The following TAFA2 variants were observed in gnomAD, a reference collection of about 807,000 sequenced individuals.
TAFA2 encodes the protein chemokine-like protein TAFA-2.
TAFA2 carries 7 observed loss-of-function variants against 18.8 expected under a neutral mutation model. The ratio of observed to expected loss-of-function variants is 0.37; its 90% CI spans 0.21 to 0.70. The LOEUF (loss-of-function observed/expected upper bound fraction) is 0.70. TAFA2 is among the 30% of genes least tolerant of loss of function. The pLI is 0.53. For missense variants in TAFA2, 122 were observed against 158.1 expected (o/e 0.77, Z 1.23); for synonymous variants, 60 against 54.2 (o/e 1.11, Z -0.47).
chr12:61,865,319 C>T (rs944520720), intron 2 of TAFA2, among the ~76,000 whole-genome samples: 8 of 151,894 alleles, frequency 5.3e-5, no homozygotes, highest in Admixed American at 2.0e-4. Context: ...TATGAACATG[C>T]GCTACAACTT....
At position 61,747,646 on chromosome 12, in the gene TAFA2, A is replaced by G. The variant is rs1868788035; in HGVS notation, c.384+5976T>C. 2.0e-5 allele frequency among the ~76,000 whole-genome samples: 3 copies of G among 149,812 alleles called. No individual in the cohort carries two copies. In the South Asian group the frequency reaches 6.4e-4, roughly 32 times the overall value. On this transcript the variant is annotated intron_variant, in intron 4 of 4. Transcript: ENST00000416284. Reference sequence around the variant, plus strand: ...AACCAAACACCGCATATTCTCACTCATAGGTGGGAATTGAACAATGAGATC... The same window carrying G: ...AACCAAACACCGCATATTCTCACTCGTAGGTGGGAATTGAACAATGAGATC...
At chr12:61,839,068 C>T (rs1043797077) in intron 2 of TAFA2, among the ~76,000 whole-genome samples, 18 of 152,038 alleles carry the variant, frequency 1.2e-4, no homozygotes, top group African/African-American at 3.9e-4. Context: ...CTCAGACTTG[C>T]TTTCTCAGAT....
chr12:61,857,968 C>T (rs1164810094), intron 2 of TAFA2, among the ~76,000 whole-genome samples: 3 of 152,212 alleles, frequency 2.0e-5, no homozygotes, highest in South Asian at 4.1e-4. Flanking sequence ...AGGTAGGGTA[C>T]TATGGATGCC....
chr12:61,999,580 T>A (rs1020539979), intron 1 of TAFA2, among the ~76,000 whole-genome samples: 1 of 152,186 alleles, frequency 6.6e-6, no homozygotes, highest in Non-Finnish European at 1.5e-5. Flanking sequence ...TCCATGCTAA[T>A]CAACAGAGTT....
At chr12:62,084,144 G>C (rs984607800) in intron 1 of TAFA2, among the ~76,000 whole-genome samples, 1 of 152,120 alleles carries the variant, frequency 6.6e-6, no homozygotes, top group Non-Finnish European at 1.5e-5. Flanking sequence ...TGGCAACAGC[G>C]CTACATTTTT....
intron 1 of TAFA2, among the ~76,000 whole-genome samples, chr12:61,883,002 G>T (rs1875215036): frequency 6.6e-6 from 1 of 152,094 alleles, no homozygotes; most frequent in Non-Finnish European, 1.5e-5. Context: ...ATCCTCCAAG[G>T]AAACTACAAC....
intron 1 of TAFA2, among the ~76,000 whole-genome samples, chr12:62,022,856 G>T (rs1316786959): frequency 6.6e-6 from 1 of 152,198 alleles, no homozygotes; most frequent in African/African-American, 2.4e-5. Flanking sequence ...GTGTATACCA[G>T]CAAGTAGTTC....
intron 1 of TAFA2, among the ~76,000 whole-genome samples, chr12:61,976,726 T>C (rs373561261): frequency 2.0e-5 from 3 of 152,046 alleles, no homozygotes; most frequent in East Asian, 1.9e-4. Context: ...CCCTACCCTC[T>C]GTCCAAGTGT....
intron 2 of TAFA2, among the ~76,000 whole-genome samples, chr12:61,812,214 C>A (rs569905940): frequency 6.6e-6 from 1 of 151,542 alleles, no homozygotes; most frequent in South Asian, 2.1e-4. Flanking sequence ...AACTTAAACT[C>A]CCTCTGAAGG....
chr12:62,185,823 G>A (rs1357783876), intron 1 of TAFA2, among the ~76,000 whole-genome samples: 1 of 152,102 alleles, frequency 6.6e-6, no homozygotes, highest in Non-Finnish European at 1.5e-5. Flanking sequence ...GTCCTGGAAG[G>A]CCTGCCCTCT....
At chr12:61,863,251 T>C (rs1874201911) in intron 2 of TAFA2, among the ~76,000 whole-genome samples, 1 of 151,946 alleles carries the variant, frequency 6.6e-6, no homozygotes, top group Non-Finnish European at 1.5e-5. Context: ...GTTGATGGGG[T>C]AAATGTAAAG....
chr12:61,908,207 A>C (rs951077215), intron 1 of TAFA2, among the ~76,000 whole-genome samples: 4 of 152,092 alleles, frequency 2.6e-5, no homozygotes, highest in African/African-American at 9.7e-5. Flanking sequence ...TCCCCACCCA[A>C]ATCTCATCTT....
intron 1 of TAFA2, among the ~76,000 whole-genome samples, chr12:62,171,857 C>T (rs1241011956): frequency 6.6e-6 from 1 of 152,180 alleles, no homozygotes; most frequent in Non-Finnish European, 1.5e-5. Context: ...CTTTAAAGAA[C>T]TTGTTTCCTT....
At chr12:62,033,477 A>G (rs1311328584) in intron 1 of TAFA2, among the ~76,000 whole-genome samples, 1 of 151,914 alleles carries the variant, frequency 6.6e-6, no homozygotes, top group Non-Finnish European at 1.5e-5. Context: ...CCCTAGACAA[A>G]GATTTTCTTT....
At chr12:62,077,803 T>C (rs1487415964) in intron 1 of TAFA2, among the ~76,000 whole-genome samples, 1 of 152,164 alleles carries the variant, frequency 6.6e-6, no homozygotes, top group East Asian at 1.9e-4. Flanking sequence ...GGCACCAATA[T>C]GTTAATTACC....
intron 1 of TAFA2, among the ~76,000 whole-genome samples, chr12:61,964,708 G>T (rs1182717766): frequency 6.6e-6 from 1 of 151,618 alleles, no homozygotes; most frequent in African/African-American, 2.4e-5. Context: ...CTGACTATAG[G>T]GCACAGTGTG....
At chr12:61,959,774 G>A (rs573757871) in intron 1 of TAFA2, among the ~76,000 whole-genome samples, 4 of 152,094 alleles carry the variant, frequency 2.6e-5, no homozygotes, top group Admixed American at 2.0e-4. Flanking sequence ...ATTTTTTTCA[G>A]ACTGAACTAG....
At chr12:62,016,603 A>T (rs1345594498) in intron 1 of TAFA2, among the ~76,000 whole-genome samples, 1 of 152,186 alleles carries the variant, frequency 6.6e-6, no homozygotes, top group African/African-American at 2.4e-5. Flanking sequence ...TGCAGGTGGC[A>T]TACAACTGAG....
intron 1 of TAFA2, among the ~76,000 whole-genome samples, chr12:62,156,061 T>A (rs2062366997): frequency 6.6e-6 from 1 of 152,156 alleles, no homozygotes; most frequent in South Asian, 2.1e-4. Flanking sequence ...ACAGGACTAA[T>A]ATCCAGAATC....
Sources: gnomAD v4.1 joint callset for allele counts (sites outside exome capture counted in the v4.1 genomes callset) on GRCh38, gnomAD v4.1.1 for gene constraint, MANE v1.5 for transcripts, NCBI Gene and HGNC (gene_info 2026-07-23, HGNC 2026-07-21) for gene names.